The following COL23A1 variants were observed in gnomAD, a reference collection of about 807,000 sequenced individuals.
COL23A1 encodes the protein collagen type XXIII alpha 1 chain, also known as collagen alpha-1(XXIII) chain.
A neutral mutation model predicts 99.3 loss-of-function variants in COL23A1; 97 were observed. The ratio of observed to expected loss-of-function variants is 0.98; its 90% CI spans 0.83 to 1.16. The LOEUF (loss-of-function observed/expected upper bound fraction) is 1.16. Among genes scored for constraint, COL23A1 ranks in the 50% most tolerant of loss-of-function variants. The pLI is 0.00. For synonymous variants in COL23A1, 320 were observed against 308.2 expected, an observed-to-expected ratio of 1.04 and a Z score of -0.40; for missense variants, 762 against 757.4, an observed-to-expected ratio of 1.01 and a Z score of -0.07.
intron 16 of COL23A1, among the ~76,000 whole-genome samples, chr5:178,253,409 T>C (rs1765136796): frequency 1.3e-5 from 2 of 152,164 alleles, no homozygotes; most frequent in Admixed American, 1.3e-4. Context: ...CCCTGCTCCC[T>C]GCTCCAACAC....
At chr5:178,350,224 T>C (rs1761244525) in intron 2 of COL23A1, among the ~76,000 whole-genome samples, 1 of 152,168 alleles carries the variant, frequency 6.6e-6, no homozygotes, top group Non-Finnish European at 1.5e-5. Context: ...GTCATGCCCC[T>C]CTCTGTTCCT....
chr5:178,326,812 T>A (rs941692019), intron 2 of COL23A1, among the ~76,000 whole-genome samples: 1 of 152,210 alleles, frequency 6.6e-6, no homozygotes, highest in Non-Finnish European at 1.5e-5. Context: ...CTCTGCCTCC[T>A]GGGTTCAAGC....
intron 5 of COL23A1, among the ~76,000 whole-genome samples, chr5:178,273,029 C>A (rs1341618648): frequency 1.3e-5 from 2 of 152,240 alleles, no homozygotes; most frequent in Non-Finnish European, 2.9e-5. Flanking sequence ...CCCTGGGTCT[C>A]CATCCTGTCT....
chr5:178,252,447 G>C, intron 17 of COL23A1, 97 bp downstream of exon 17: 1 of 1,205,346 alleles, frequency 8.3e-7, no homozygotes, highest in East Asian at 2.8e-5. Context: ...CAGGACACCC[G>C]GAGGGAAGTG....
intron 2 of COL23A1, among the ~76,000 whole-genome samples, chr5:178,316,281 C>T (rs953608139): frequency 1.3e-5 from 2 of 152,150 alleles, no homozygotes; most frequent in Non-Finnish European, 2.9e-5. Flanking sequence ...ATATGAAATA[C>T]GTCTGGGTTT....
chr5:178,478,020 G>A (rs1163470578), intron 2 of COL23A1, among the ~76,000 whole-genome samples: 3 of 152,204 alleles, frequency 2.0e-5, no homozygotes. Flanking sequence ...CAGGGTGTGG[G>A]AGGAGGGAGC....
chr5:178,348,696 C>T (rs1761131404), intron 2 of COL23A1, among the ~76,000 whole-genome samples: 1 of 152,338 alleles, frequency 6.6e-6, no homozygotes, highest in Non-Finnish European at 1.5e-5. Flanking sequence ...CAGGACCAGG[C>T]CCCCATGGGT....
Position 178,306,002 on chromosome 5 carries a change from G to A in COL23A1, c.406+873C>T, listed in dbSNP as rs1385545997. Among the ~76,000 whole-genome samples, 1 of 152,172 alleles carries A rather than the reference G, an allele frequency of 6.6e-6. No individual in the cohort carries two copies. Among genetic ancestry groups the A allele is most frequent in the Non-Finnish European group, 1.5e-5 (1 of 68,034 alleles). On this transcript the variant is annotated intron_variant, in intron 3 of 28. Coordinates refer to ENST00000390654, the MANE Select transcript of COL23A1 (RefSeq NM_173465.4). The surrounding 1 kb of genome is among the most constrained non-coding windows in gnomAD (Gnocchi z 4.1). The stretch of plus-strand genomic sequence containing the variant: ...CAACGTCCAACCTCGGGGACCCGGA[G>A]GAGAGGATGTGGCTGGAGGCAGGGA...
rs966907644 is a variant in COL23A1, at chr5:178,439,398, C to T, written c.361+121284G>A. 2.0e-5 allele frequency: 3 copies of T among 152,272 alleles called. No homozygotes were observed. The highest frequency in any genetic ancestry group is 4.4e-5 in the Non-Finnish European group (3 of 68,118). 9.4% of individuals were successfully genotyped at this position (152,272 alleles called of 1,614,324 possible). ...CCATGCCAGACCCTGTTGAACACAT[C>T]CCTGGACTCCAGCTCCTTGTCTCTG... is the stretch of plus-strand genomic sequence containing the variant. On this transcript the variant is annotated intron_variant, in intron 2 of 28. Coordinates refer to ENST00000390654, the MANE Select transcript of COL23A1 (RefSeq NM_173465.4). This position sits in a 1 kb window ranked among gnomAD's most constrained non-coding sequence, Gnocchi z 4.2.
intron 2 of COL23A1, among the ~76,000 whole-genome samples, chr5:178,380,779 A>G (rs1006433101): frequency 6.6e-6 from 1 of 152,324 alleles, no homozygotes; most frequent in Middle Eastern, 3.4e-3. Context: ...GAGAAAAGGC[A>G]GGGACTTCAC....
At chr5:178,396,864 G>A (rs1764177329) in intron 2 of COL23A1, among the ~76,000 whole-genome samples, 1 of 152,102 alleles carries the variant, frequency 6.6e-6, no homozygotes, top group Non-Finnish European at 1.5e-5. Flanking sequence ...GCGGGCAGGC[G>A]CTCTGGGCTC....
At chr5:178,357,334 G>A (rs1004659638) in intron 2 of COL23A1, among the ~76,000 whole-genome samples, 1 of 152,178 alleles carries the variant, frequency 6.6e-6, no homozygotes, top group African/African-American at 2.4e-5. Flanking sequence ...GTGAGCCGGC[G>A]GAAGTGCCTC....
intron 8 of COL23A1, 70 bp from the exon 9 acceptor site, chr5:178,263,394 G>A: frequency 1.0e-6 from 1 of 981,294 alleles, no homozygotes; most frequent in Middle Eastern, 3.0e-4. Context: ...GGCTCCCTCA[G>A]ATGGGCAGCC....
At chr5:178,295,619 C>T (rs1369051543) in intron 3 of COL23A1, among the ~76,000 whole-genome samples, 2 of 152,180 alleles carry the variant, frequency 1.3e-5, no homozygotes, top group Non-Finnish European at 2.9e-5. Context: ...CAATTATCCT[C>T]CTAGAAATGT....
At chr5:178,509,515 C>T (rs746966219) in intron 2 of COL23A1, among the ~76,000 whole-genome samples, 5 of 152,122 alleles carry the variant, frequency 3.3e-5, no homozygotes, top group Non-Finnish European at 7.4e-5. Context: ...GCCACCGTGC[C>T]CGGCCAGAAC....
At chr5:178,267,258 CACAAA>C (rs1362068906) in intron 8 of COL23A1, 44 bp downstream of exon 8, 2 of 1,607,714 alleles carry the variant, frequency 1.2e-6, no homozygotes, top group Admixed American at 3.3e-5. Flanking sequence ...CTCATTATTA[CACAAA>C]ACAAACCATG....
In COL23A1 at chr5:178,306,579, C is replaced by G. The variant is rs1758366322; in HGVS notation, c.406+296G>C. Among the ~76,000 whole-genome samples, 1 of 134,212 alleles carries G rather than the reference C, an allele frequency of 7.5e-6. No homozygotes were observed. The allele number at this position is 134,212 out of a possible 152,430, so 88.0% of individuals were successfully genotyped here. A position where few individuals can be genotyped will look rare whatever the true frequency, so the allele number is the denominator to read the frequency against. On this transcript the variant is annotated intron_variant, in intron 3 of 28. Coordinates refer to ENST00000390654, the MANE Select transcript of COL23A1 (RefSeq NM_173465.4). This position sits in a 1 kb window ranked among gnomAD's most constrained non-coding sequence, Gnocchi z 4.1. ...CTGGCGGAGTCATCACCTTCTGCCT[C>G]AGAGAGAGGGGGCTGCTCTGGAGTG...
In COL23A1 at chr5:178,316,093, A is replaced by G. The variant is rs553040326; in HGVS notation, c.362-9174T>C. 3.3e-5 allele frequency among the ~76,000 whole-genome samples: 5 copies of G among 152,340 alleles called. No individual in the cohort carries two copies. In the South Asian group the frequency reaches 1.0e-3, roughly 32 times the overall value. On this transcript the variant is annotated intron_variant, in intron 2 of 28. Coordinates refer to ENST00000390654, the MANE Select transcript of COL23A1 (RefSeq NM_173465.4). ...AGGTATTTGTTTAAGCAGTTTAAAT[A>G]TAATTCTACTTAGAATCCAACTGGT...
rs371950292 is a variant in COL23A1, at chr5:178,505,621, T to C, written c.361+55061A>G. On this transcript the variant is annotated intron_variant, in intron 2 of 28. Coordinates refer to ENST00000390654, the MANE Select transcript of COL23A1 (RefSeq NM_173465.4). ...CACGTGTTAATCACCTCATGTTAAC[T>C]TGATCATGTGCAAAGGCTCTATTTC... 1.9e-4 allele frequency among the ~76,000 whole-genome samples: 29 copies of C among 152,290 alleles called. No individual in the cohort carries two copies. The East Asian group carries it at 5.6e-3, about 29-fold the overall frequency.
Sources: allele counts gnomAD v4.1 joint callset (sites outside exome capture counted in the v4.1 genomes callset), GRCh38; gene constraint gnomAD v4.1.1; non-coding constraint Gnocchi (gnomAD v3.1); transcripts MANE v1.5; gene names NCBI Gene and HGNC (gene_info 2026-07-23, HGNC 2026-07-21).